The following EBAG9 variants were observed in gnomAD, a reference collection of about 807,000 sequenced individuals.
The protein encoded by EBAG9 is estrogen receptor binding site associated antigen 9.
EBAG9 carries 16 observed loss-of-function variants against 30.9 expected under a neutral mutation model. The observed-to-expected ratio is 0.52, with a 90% CI of 0.35 to 0.79. EBAG9 has a LOEUF of 0.79. Among genes scored for constraint, EBAG9 ranks in the 30% least tolerant of loss-of-function variants. The pLI is 0.01. For synonymous variants in EBAG9, 93 were observed against 82.8 expected, an observed-to-expected ratio of 1.12 and a Z score of -0.67; for missense variants, 197 against 242.1, an observed-to-expected ratio of 0.81 and a Z score of 1.24.
chr8:109,549,692 C>T (rs1563654107), intron 1 of EBAG9, among the ~76,000 whole-genome samples: 1 of 152,038 alleles, frequency 6.6e-6, no homozygotes, highest in African/African-American at 2.4e-5. Flanking sequence ...TTAATATCTG[C>T]AGACTCTAAC....
chr8:109,545,572 C>A (rs1245997259), intron 1 of EBAG9, among the ~76,000 whole-genome samples: 1 of 151,860 alleles, frequency 6.6e-6, no homozygotes, highest in Non-Finnish European at 1.5e-5. Context: ...ACCATATTGG[C>A]CAGGCTGGTC....
intron 3 of EBAG9, among the ~76,000 whole-genome samples, 194 bp downstream of exon 3, chr8:109,554,137 A>G (rs1166470708): frequency 1.2e-4 from 18 of 152,076 alleles, no homozygotes; most frequent in Admixed American, 2.6e-4. Context: ...GACATTTTCT[A>G]TTGTGTTTTC....
At chr8:109,563,641 C>T (rs4313129) in intron 6 of EBAG9, 63,655 of 1,203,258 alleles carry the variant, frequency 0.053, 6,123 homozygotes, top group African/African-American at 0.4. Flanking sequence ...GTTTGTTACA[C>T]AGGTAAACAT....
rs926989499 is a variant in EBAG9, at chr8:109,543,011, G to C, written c.-16+2550G>C. Among the ~76,000 whole-genome samples the C allele has an allele frequency of 3.9e-5, 6 of 152,060 alleles. No individual in the cohort carries two copies. In the South Asian group the frequency reaches 8.3e-4, roughly 21 times the overall value. On this transcript the variant is annotated intron_variant, in intron 1 of 6. Transcript: ENST00000337573. ...TGAATAGGGTCTTTTTGGCAATTAG[G>C]TGTAAGGAGAAAGAAAGGAGGAGTC...
chr8:109,545,309 G>A lies in EBAG9; in HGVS notation c.-16+4848G>A, dbSNP rs183385959. Among the ~76,000 whole-genome samples, 199 of 121,618 alleles carry A rather than the reference G, an allele frequency of 1.6e-3. 1 individual carries two copies. Among genetic ancestry groups the A allele is most frequent in the African/African-American group, 6.9e-3 (192 of 27,998 alleles). 79.8% of individuals were successfully genotyped at this position (121,618 alleles called of 152,430 possible). A position where few individuals can be genotyped will look rare whatever the true frequency, so the allele number is the denominator to read the frequency against. Reference sequence around the variant, plus strand: ...GGCACTCCAGCCTGGGCAACAGAGCGAGACTGTGTCTCAAAAAAAAAAAAA... The same window carrying A: ...GGCACTCCAGCCTGGGCAACAGAGCAAGACTGTGTCTCAAAAAAAAAAAAA... On this transcript the variant is annotated intron_variant, in intron 1 of 6. Transcript: ENST00000337573.
In EBAG9 at chr8:109,563,400, C is replaced by T. The variant is rs1398966582; in HGVS notation, c.522-1039C>T. ...TTCTCACACCCTAACCCTTCAGATC[C>T]AGGACCAATGTATGTTTACTCTGCT... On this transcript the variant is annotated intron_variant, in intron 6 of 6. Transcript: ENST00000337573. 1.9e-6 allele frequency: 3 copies of T among 1,596,714 alleles called. No individual in the cohort carries two copies. The South Asian group carries it at 3.3e-5, about 18-fold the overall frequency.
At chr8:109,543,149 T>C (rs1266165222) in intron 1 of EBAG9, among the ~76,000 whole-genome samples, 1 of 109,462 alleles carries the variant, frequency 9.1e-6, no homozygotes, top group Admixed American at 8.1e-5. Flanking sequence ...TTTTTTTTTT[T>C]TTTTTTTTTT....
At chr8:109,549,038 T>G (rs1821443237) in intron 1 of EBAG9, among the ~76,000 whole-genome samples, 1 of 151,730 alleles carries the variant, frequency 6.6e-6, no homozygotes, top group South Asian at 2.1e-4. Context: ...TTACTGTAGG[T>G]TTTTCATAGA....
At chr8:109,541,408 T>C (rs907591382) in intron 1 of EBAG9, among the ~76,000 whole-genome samples, 20 of 152,266 alleles carry the variant, frequency 1.3e-4, no homozygotes, top group African/African-American at 4.1e-4. Flanking sequence ...GTCAGTCCCT[T>C]TAAATCCTGG....
In EBAG9 at chr8:109,554,710, G is replaced by A; in HGVS notation, c.163-19G>A. 3 of 1,607,818 alleles carry A rather than the reference G, an allele frequency of 1.9e-6. No homozygotes were observed. The highest frequency in any genetic ancestry group is 1.7e-5 in the Admixed American group (1 of 59,200). ...AAGTTGCCCCTTTGTGGCTGATAATGTTGATCAATTAAATTTAGACAGATG... is the reference window on the plus strand; with the variant it reads ...AAGTTGCCCCTTTGTGGCTGATAATATTGATCAATTAAATTTAGACAGATG... On this transcript the variant is annotated intron_variant, in intron 3 of 6. Transcript: ENST00000337573.
Position 109,553,940 on chromosome 8 carries a change from G to A in EBAG9, c.159G>A (p.Lys53=). The change falls in exon 3 of 7, where the codon AAG becomes AAA. Residue 53 remains lysine (K), a synonymous_variant. Transcript: ENST00000337573. Reference sequence around the variant, plus strand: ...CAGTTGATTATTCATCAGTTCCTAAGCAGGTAGGTTTTTTTTGTGTGTTCT... The same window carrying A: ...CAGTTGATTATTCATCAGTTCCTAAACAGGTAGGTTTTTTTTGTGTGTTCT... ...PTTVDYSSVP[K]QTDVEEWTSW... 6.2e-7 allele frequency: 1 copy of A among 1,601,446 alleles called. No homozygotes were observed. Among genetic ancestry groups the A allele is most frequent in the Non-Finnish European group, 8.5e-7 (1 of 1,175,818 alleles).
intron 5 of EBAG9, chr8:109,557,659 A>C: frequency 2.2e-6 from 1 of 455,906 alleles, no homozygotes; most frequent in Non-Finnish European, 4.4e-6. Context: ...AATGTAACAC[A>C]GTTTCTGTGG....
chr8:109,543,135 CTTTTTTTTTTTTT>C lies in EBAG9; in HGVS notation c.-16+2693_-16+2705del, dbSNP rs557388998. ...GAGTACAATTTTTAATATTCTGGTT[CTTTTTTTTTTTTT>C]TTTTTTTTTTTTTTTTTTAACAGTC... On this transcript the variant is annotated intron_variant, in intron 1 of 6. Coordinates refer to ENST00000337573, the MANE Select transcript of EBAG9 (RefSeq NM_004215.5). Among the ~76,000 whole-genome samples the C allele has an allele frequency of 5.6e-3, 295 of 52,898 alleles. 2 individuals are homozygous for C. Among genetic ancestry groups the C allele is most frequent in the African/African-American group, 9.2e-3 (229 of 24,808 alleles). The allele number at this position is 52,898 out of a possible 152,430, so 34.7% of individuals were successfully genotyped here.
chr8:109,550,192 T>C (rs1015601425), intron 1 of EBAG9: 1 of 152,126 alleles, frequency 6.6e-6, no homozygotes, highest in African/African-American at 2.4e-5. Flanking sequence ...GCTTGTCTTA[T>C]TGGTTATGAC....
intron 1 of EBAG9, among the ~76,000 whole-genome samples, chr8:109,541,710 G>T (rs1196735337): frequency 6.6e-6 from 1 of 152,180 alleles, no homozygotes; most frequent in East Asian, 1.9e-4. Flanking sequence ...TGACAACTGG[G>T]AGTGAACGCA....
At chr8:109,559,653 A>T (rs1821672571) in intron 5 of EBAG9, among the ~76,000 whole-genome samples, 1 of 152,084 alleles carries the variant, frequency 6.6e-6, no homozygotes, top group Non-Finnish European at 1.5e-5. Flanking sequence ...CTCTAAAAAA[A>T]TGTAAAAAAC....
intron 2 of EBAG9, among the ~76,000 whole-genome samples, chr8:109,552,734 A>G (rs1474530586): frequency 6.6e-6 from 1 of 152,204 alleles, no homozygotes; most frequent in African/African-American, 2.4e-5. Context: ...AGTTTTAAAG[A>G]AAACTGACCA....
At chr8:109,550,307 A>AATT (rs1274191491) in intron 1 of EBAG9, 1 of 153,560 alleles carries the variant, frequency 6.5e-6, no homozygotes, top group Non-Finnish European at 1.4e-5. Flanking sequence ...CACTGGACTA[A>AATT]ATGAGCTCCA....
chr8:109,544,367 A>C lies in EBAG9; in HGVS notation c.-16+3906A>C, dbSNP rs917590032. Reference sequence around the variant, plus strand: ...TTTTGTTTTAAGAAGTCAGCACTCTAAATAATTGTATTAATCAAGTGTTGT... The same window carrying C: ...TTTTGTTTTAAGAAGTCAGCACTCTCAATAATTGTATTAATCAAGTGTTGT... On this transcript the variant is annotated intron_variant, in intron 1 of 6. Transcript: ENST00000337573. 3.3e-5 allele frequency among the ~76,000 whole-genome samples: 5 copies of C among 152,208 alleles called. No homozygotes were observed. The East Asian group carries it at 7.7e-4, about 23-fold the overall frequency.
Sources: gnomAD v4.1 joint callset for allele counts (sites outside exome capture counted in the v4.1 genomes callset) on GRCh38, gnomAD v4.1.1 for gene constraint, MANE v1.5 for transcripts, NCBI Gene and HGNC (gene_info 2026-07-23, HGNC 2026-07-21) for gene names.